EAPP: variants seen among roughly 807,000 people sequenced by gnomAD.
The protein encoded by EAPP is E2F associated phosphoprotein.
Under a neutral mutation model 34.3 loss-of-function variants are expected in EAPP, and 38 were observed. The ratio of observed to expected loss-of-function variants is 1.11; its 90% CI spans 0.85 to 1.45. EAPP has a LOEUF of 1.45. EAPP is among the 40% of genes most tolerant of loss of function. The pLI is 0.00. For synonymous variants in EAPP, 113 were observed against 117.6 expected, an observed-to-expected ratio of 0.96 and a Z score of 0.25; for missense variants, 338 against 343.7, an observed-to-expected ratio of 0.98 and a Z score of 0.13.
rs996706704 is a variant in EAPP at position 34,516,352 on chromosome 14, A to T, written c.816T>A (p.Asp272Glu). 1 of 1,613,522 alleles carries T rather than the reference A, an allele frequency of 6.2e-7. No individual in the cohort carries two copies. The highest frequency in any genetic ancestry group is 1.3e-5 in the African/African-American group (1 of 74,926). ...CSTEVAVYDK[D>E]EVFHFFNVLA... Reference sequence around the variant, plus strand: ...AAACATTGAAAAAATGAAAGACTTCATCCTTGTCGTAGACTGCCACTTCAG... The same window carrying T: ...AAACATTGAAAAAATGAAAGACTTCTTCCTTGTCGTAGACTGCCACTTCAG... Residue 272 changes from aspartate (D) to glutamate (E), a missense_variant, in exon 6 of 6, where the codon GAT (aspartate) becomes GAA (glutamate). Transcript: ENST00000250454.
chr14:34,538,248 G>C (rs537801086), intron 1 of EAPP, among the ~76,000 whole-genome samples: 15 of 152,150 alleles, frequency 9.9e-5, no homozygotes, highest in East Asian at 7.7e-4. Context: ...GTGTGGTAGC[G>C]CATGCCTGTA....
At chr14:34,517,169 A>T in intron 5 of EAPP, among the ~76,000 whole-genome samples, 1 of 149,930 alleles carries the variant, frequency 6.7e-6, no homozygotes. Flanking sequence ...CGATCTTCTG[A>T]CCTTGTGATC....
In EAPP at chr14:34,516,514, T is replaced by G. The variant is rs777816945; in HGVS notation, c.654A>C (p.Leu218=). The change falls in exon 6 of 6, where the codon CTA becomes CTC. Residue 218 remains leucine, a synonymous_variant. Transcript: ENST00000250454. ...TCCTGTTCTCTGAGGCTTTATATCT[T>G]AGAACCTCCTCTTTGTTAATAGAAC... ...MNCSINKEEV[L]RYKASENRKK... is the part of the protein sequence containing the mutation. The G allele has an allele frequency of 6.2e-7, 1 of 1,614,160 alleles. No homozygotes were observed. Among genetic ancestry groups the G allele is most frequent in the Non-Finnish European group, 8.5e-7 (1 of 1,180,010 alleles).
chr14:34,522,497 C>T (rs1294687713), intron 5 of EAPP, among the ~76,000 whole-genome samples: 1 of 152,068 alleles, frequency 6.6e-6, no homozygotes, highest in Non-Finnish European at 1.5e-5. Context: ...TGTAAATGTA[C>T]ATCTTTGTAT....
Position 34,524,691 on chromosome 14 carries a change from C to G in EAPP, c.581+6G>C, listed in dbSNP as rs371845934. The G allele has an allele frequency of 3.5e-5, 28 of 801,856 alleles. No homozygotes were observed. The African/African-American group carries it at 5.6e-4, about 16-fold the overall frequency. The allele number at this position is 801,856 out of a possible 1,614,324, so 49.7% of individuals were successfully genotyped here. Reference sequence around the variant, plus strand: ...TGTGTGTGTGTGTGTGTCCTTCATCCATTACCTTTGGCAATCAAGGCAAAG... The same window carrying G: ...TGTGTGTGTGTGTGTGTCCTTCATCGATTACCTTTGGCAATCAAGGCAAAG... On this transcript the variant is annotated splice_donor_region_variant and intron_variant, in intron 5 of 5. Transcript: ENST00000250454.
At position 34,539,672 on chromosome 14, in the gene EAPP, GTC is replaced by G; in HGVS notation, c.-46_-45del. On this transcript the variant is annotated 5_prime_UTR_variant, in exon 1 of 6. Coordinates refer to ENST00000250454, the MANE Select transcript of EAPP (RefSeq NM_018453.4). ...ACACCGTCCACAAGCAATTTGCAGC[GTC>G]TCTGTTTACACTGCAAGTCCAGTCC... The G allele has an allele frequency of 6.7e-7, 1 of 1,503,614 alleles. No homozygotes were observed. Among genetic ancestry groups the G allele is most frequent in the Non-Finnish European group, 8.9e-7 (1 of 1,126,824 alleles). The allele number at this position is 1,503,614 out of a possible 1,614,324, so 93.1% of individuals were successfully genotyped here.
At position 34,524,955 on chromosome 14, in the gene EAPP, T is replaced by C. The variant is rs928138436; in HGVS notation, c.471-148A>G. On this transcript the variant is annotated intron_variant, in intron 4 of 5. Coordinates refer to ENST00000250454, the MANE Select transcript of EAPP (RefSeq NM_018453.4). ...ACACAAGATGAACCTGGAGCATCTTTTAGTGCCAGAAAAGAAGGAAGTAAT... is the reference window on the plus strand; with the variant it reads ...ACACAAGATGAACCTGGAGCATCTTCTAGTGCCAGAAAAGAAGGAAGTAAT... 2.8e-5 allele frequency: 17 copies of C among 616,724 alleles called. No individual in the cohort carries two copies. The African/African-American group carries it at 3.0e-4, about 11-fold the overall frequency. 38.2% of individuals were successfully genotyped at this position (616,724 alleles called of 1,614,324 possible). A position where few individuals can be genotyped will look rare whatever the true frequency, so the allele number is the denominator to read the frequency against.
intron 5 of EAPP, among the ~76,000 whole-genome samples, chr14:34,517,900 G>A (rs1879790643): frequency 6.6e-6 from 1 of 151,604 alleles, no homozygotes; most frequent in Non-Finnish European, 1.5e-5. Flanking sequence ...TCAGCCTCCT[G>A]AGTAGCTGGG....
Position 34,529,451 on chromosome 14 carries a change from T to C in EAPP, c.377A>G (p.Lys126Arg). 6.2e-7 allele frequency: 1 copy of C among 1,612,062 alleles called. No homozygotes were observed. Among genetic ancestry groups the C allele is most frequent in the Non-Finnish European group, 8.5e-7 (1 of 1,179,508 alleles). Residue 126 changes from lysine to arginine, a missense_variant, in exon 4 of 6, where the codon AAG (lysine) becomes AGG (arginine). Transcript: ENST00000250454. ...ATTTGTTGGAATCTTGTGTTGTTTC[T>C]TCTTTTTTTTCTTGGTCACCTGTAC... ...RAVQVTKKKKKKQHKIPTNDE... is the reference protein window; with the variant it reads ...RAVQVTKKKKRKQHKIPTNDE...
At chr14:34,531,195 C>T (rs1052649212) in intron 3 of EAPP, among the ~76,000 whole-genome samples, 8 of 152,100 alleles carry the variant, frequency 5.3e-5, no homozygotes, top group African/African-American at 9.7e-5. Context: ...GTCCCAACTA[C>T]CAGGAAGGCT....
chr14:34,539,472 G>T, intron 1 of EAPP, 83 bp downstream of exon 1: 1 of 1,446,198 alleles, frequency 6.9e-7, no homozygotes. Flanking sequence ...GTCTGCGTAG[G>T]CTCGGCAGGC....
At chr14:34,530,146 G>A (rs1268787361) in intron 3 of EAPP, among the ~76,000 whole-genome samples, 1 of 152,066 alleles carries the variant, frequency 6.6e-6, no homozygotes, top group African/African-American at 2.4e-5. Context: ...GGTGTGGTGA[G>A]CCGAGATCAC....
chr14:34,537,312 G>C (rs2138227088), intron 1 of EAPP, among the ~76,000 whole-genome samples: 1 of 152,282 alleles, frequency 6.6e-6, no homozygotes, highest in South Asian at 2.1e-4. Flanking sequence ...CACCAGACCT[G>C]TATTATTTCT....
At position 34,529,356 on chromosome 14, in the gene EAPP, A is replaced by T; in HGVS notation, c.470+2T>A. On this transcript the variant is annotated splice_donor_variant, in intron 4 of 5. Coordinates refer to ENST00000250454, the MANE Select transcript of EAPP (RefSeq NM_018453.4). LOFTEE classifies it high-confidence loss of function. ...TTCTAAATATTAACTTTAAGTTCTT[A>T]CCCCCTTCTCTGTGCATCAACCCAG... 13 of 1,510,840 alleles carry T rather than the reference A, an allele frequency of 8.6e-6. No homozygotes were observed. Among genetic ancestry groups the T allele is most frequent in the Non-Finnish European group, 1.2e-5 (13 of 1,092,458 alleles). 93.6% of individuals were successfully genotyped at this position (1,510,840 alleles called of 1,614,324 possible). A position where few individuals can be genotyped will look rare whatever the true frequency, so the allele number is the denominator to read the frequency against.
At chr14:34,523,219 T>A (rs1312202663) in intron 5 of EAPP, among the ~76,000 whole-genome samples, 1 of 151,354 alleles carries the variant, frequency 6.6e-6, no homozygotes, top group Non-Finnish European at 1.5e-5. Context: ...TATGCTGCTA[T>A]TTTGCACTAG....
chr14:34,529,959 T>C (rs1022516996), intron 3 of EAPP, among the ~76,000 whole-genome samples: 6 of 152,094 alleles, frequency 3.9e-5, no homozygotes, highest in Non-Finnish European at 7.4e-5. Flanking sequence ...GAGGTTGCAG[T>C]GAGCCGAAAT....
At chr14:34,527,330 G>C (rs1168573287) in intron 4 of EAPP, among the ~76,000 whole-genome samples, 1 of 152,088 alleles carries the variant, frequency 6.6e-6, no homozygotes, top group South Asian at 2.1e-4. Flanking sequence ...TAGCCAGGTG[G>C]TGTGTGCCTA....
chr14:34,523,212 G>C (rs117962258), intron 5 of EAPP, among the ~76,000 whole-genome samples: 22 of 151,136 alleles, frequency 1.5e-4, no homozygotes, highest in African/African-American at 3.6e-4. Flanking sequence ...TTGCTTCTAT[G>C]CTGCTATTTT....
chr14:34,535,922 T>A, intron 2 of EAPP, 172 bp downstream of exon 2: 1 of 529,998 alleles, frequency 1.9e-6, no homozygotes, highest in Non-Finnish European at 3.2e-6. Flanking sequence ...ATAACTTTTT[T>A]AAATGAGAAA....
Sources: allele counts gnomAD v4.1 joint callset (sites outside exome capture counted in the v4.1 genomes callset), GRCh38; gene constraint gnomAD v4.1.1; transcripts MANE v1.5; gene names NCBI Gene and HGNC (gene_info 2026-07-23, HGNC 2026-07-21).